TMEM67: variants seen among roughly 807,000 people sequenced by gnomAD.
TMEM67 encodes transmembrane protein 67.
TMEM67 carries 124 observed loss-of-function variants against 136.6 expected under a neutral mutation model. The observed-to-expected ratio is 0.91, with a 90% CI of 0.78 to 1.05. The LOEUF (loss-of-function observed/expected upper bound fraction) is 1.05. TMEM67 is among the 50% of genes least tolerant of loss of function. The pLI is 0.00. For missense variants in TMEM67, 1,107 were observed against 1,178.4 expected (o/e 0.94, Z 0.89); for synonymous variants, 364 against 390.5 (o/e 0.93, Z 0.80).
rs556788802 is a variant in TMEM67, at chr8:93,772,714, C to G, written c.714+63C>G. The stretch of plus-strand genomic sequence containing the variant: ...TGAAGAATTATACCATTTATTTACC[C>G]AGATAATAAAAGTTTTATTTCTAAG... On this transcript the variant is annotated intron_variant, in intron 7 of 27. Transcript: ENST00000453321. 9 of 1,294,820 alleles carry G rather than the reference C, an allele frequency of 7.0e-6. No individual in the cohort carries two copies. The Admixed American group carries it at 1.1e-4, about 16-fold the overall frequency. 80.2% of individuals were successfully genotyped at this position (1,294,820 alleles called of 1,614,324 possible).
intron 14 of TMEM67, among the ~76,000 whole-genome samples, chr8:93,790,888 T>C (rs1586059193): frequency 6.6e-6 from 1 of 152,224 alleles, no homozygotes; most frequent in South Asian, 2.1e-4. Flanking sequence ...AAGATTTTGT[T>C]CAGACCTTTG....
At chr8:93,777,450 G>A (rs576204276) in intron 7 of TMEM67, among the ~76,000 whole-genome samples, 1 of 152,216 alleles carries the variant, frequency 6.6e-6, no homozygotes, top group South Asian at 2.1e-4. Context: ...TGTTAACAGT[G>A]TCGATTTTAG....
At position 93,763,950 on chromosome 8, in the gene TMEM67, T is replaced by G. The variant is rs1297987978; in HGVS notation, c.506+9T>G. On this transcript the variant is annotated intron_variant, in intron 4 of 27. Coordinates refer to ENST00000453321, the MANE Select transcript of TMEM67 (RefSeq NM_153704.6). ...AATGCTTTAGGAGACAGGTAAGCAG[T>G]GTGATGGGGGCTAACTTCATTAATA... The G allele has an allele frequency of 6.5e-7, 1 of 1,534,390 alleles. No homozygotes were observed. The highest frequency in any genetic ancestry group is 2.2e-5 in the East Asian group (1 of 44,478).
Position 93,781,696 on chromosome 8 carries a change from A to G in TMEM67, c.1017A>G (p.Ile339Met), listed in dbSNP as rs753155193. 1.2e-6 allele frequency: 2 copies of G among 1,610,056 alleles called. No individual in the cohort carries two copies. The highest frequency in any genetic ancestry group is 1.7e-5 in the Admixed American group (1 of 59,732). Reference sequence around the variant, plus strand: ...AGTTTGTTGCTGCTTCCTATGATATAAGAGGAAATTTTCTCAAGTGGCAAA... The same window carrying G: ...AGTTTGTTGCTGCTTCCTATGATATGAGAGGAAATTTTCTCAAGTGGCAAA... ...KLKFVAASYD[I>M]RGNFLKWQTL... The change falls in exon 10 of 28, where the codon ATA (isoleucine) becomes ATG (methionine). Residue 339 changes from isoleucine to methionine, a missense_variant. Physicochemically the swap from Ile to Met is conservative, Grantham distance 10. This residue lies in a region of TMEM67 where 925 missense variants were observed against 1,002.4 expected (regional missense o/e 0.92). Transcript: ENST00000453321.
chr8:93,797,640 T>G (rs1452173914), intron 20 of TMEM67, among the ~76,000 whole-genome samples, 170 bp downstream of exon 20: 1 of 152,226 alleles, frequency 6.6e-6, no homozygotes, highest in Admixed American at 6.5e-5. Context: ...TTACCACAAT[T>G]CTTTTTTTAA....
chr8:93,809,698 C>T, intron 25 of TMEM67, 87 bp from the exon 26 acceptor site: 3 of 801,360 alleles, frequency 3.7e-6, no homozygotes, highest in Admixed American at 4.5e-5. Flanking sequence ...ATTCATTTTT[C>T]ATTTTCTCTC....
chr8:93,826,040 A>G, the TMEM67 span, among the ~76,000 whole-genome samples: 1 of 147,400 alleles, frequency 6.8e-6, no homozygotes, highest in Non-Finnish European at 1.5e-5. Context: ...TCATTTCTAT[A>G]GTTGTGCTAT....
chr8:93,791,211 G>A (rs1814359146), intron 14 of TMEM67, 52 bp from the exon 15 acceptor site: 1 of 1,217,466 alleles, frequency 8.2e-7, no homozygotes, highest in African/African-American at 1.5e-5. Context: ...ACAAAAATAA[G>A]TTTGTATCAT....
chr8:93,805,942 A>G (rs1815131651), intron 23 of TMEM67, among the ~76,000 whole-genome samples: 1 of 152,238 alleles, frequency 6.6e-6, no homozygotes, highest in Non-Finnish European at 1.5e-5. Flanking sequence ...GCCATGATGC[A>G]GTAGGAAGTA....
At chr8:93,813,147 T>C (rs1808765732) in intron 26 of TMEM67, among the ~76,000 whole-genome samples, 2 of 152,130 alleles carry the variant, frequency 1.3e-5, no homozygotes, top group South Asian at 4.1e-4. Flanking sequence ...CCTCCTATCT[T>C]CCTCTTCTTT....
intron 21 of TMEM67, among the ~76,000 whole-genome samples, chr8:93,801,313 C>T (rs1291880420): frequency 6.6e-6 from 1 of 152,114 alleles, no homozygotes; most frequent in African/African-American, 2.4e-5. Flanking sequence ...TAGTTCACTG[C>T]AGCCTCAACC....
At position 93,816,370 on chromosome 8, in the gene TMEM67, A is replaced by G. The variant is rs1808906546; in HGVS notation, c.2908-2A>G. On this transcript the variant is annotated splice_acceptor_variant, in intron 27 of 27. Coordinates refer to ENST00000453321, the MANE Select transcript of TMEM67 (RefSeq NM_153704.6). LOFTEE classifies it high-confidence loss of function. ...TCATTCTGAATTGTTTTAATTTTCCAGATTTTTAGATATATCCGTAATACA... is the reference window on the plus strand; with the variant it reads ...TCATTCTGAATTGTTTTAATTTTCCGGATTTTTAGATATATCCGTAATACA... The G allele has an allele frequency of 5.4e-6, 8 of 1,468,290 alleles. No homozygotes were observed. Among genetic ancestry groups the G allele is most frequent in the East Asian group, 2.3e-5 (1 of 43,770 alleles). 91.0% of individuals were successfully genotyped at this position (1,468,290 alleles called of 1,614,324 possible). A position where few individuals can be genotyped will look rare whatever the true frequency, so the allele number is the denominator to read the frequency against.
chr8:93,768,431 GT>G (rs1813178526), intron 6 of TMEM67, among the ~76,000 whole-genome samples: 1 of 151,862 alleles, frequency 6.6e-6, no homozygotes, highest in East Asian at 2.0e-4. Flanking sequence ...GGCCAATATG[GT>G]AAAACCTCAT....
chr8:93,787,718 C>T (rs552584915), intron 13 of TMEM67, 126 bp from the exon 14 acceptor site: 111 of 759,104 alleles, frequency 1.5e-4, no homozygotes, highest in Admixed American at 5.1e-4. Flanking sequence ...TTCCTTAGTC[C>T]TTGTTAACTA....
intron 7 of TMEM67, among the ~76,000 whole-genome samples, chr8:93,780,008 G>A (rs530691077): frequency 6.6e-6 from 1 of 152,308 alleles, no homozygotes; most frequent in Non-Finnish European, 1.5e-5. Context: ...AGCAGGCCTT[G>A]CTGAACTGCG....
chr8:93,797,329 A>C lies in TMEM67; in HGVS notation c.1961-2A>C, dbSNP rs758948621. On this transcript the variant is annotated splice_acceptor_variant, in intron 19 of 27. Coordinates refer to ENST00000453321, the MANE Select transcript of TMEM67 (RefSeq NM_153704.6). LOFTEE classifies it high-confidence loss of function. Reference sequence around the variant, plus strand: ...TTTTACTCATTTTATTTTCCTGACCAGGTGAGGGTGGTGTACGAAGTGCCA... The same window carrying C: ...TTTTACTCATTTTATTTTCCTGACCCGGTGAGGGTGGTGTACGAAGTGCCA... 1 of 1,614,134 alleles carries C rather than the reference A, an allele frequency of 6.2e-7. No individual in the cohort carries two copies. Among genetic ancestry groups the C allele is most frequent in the Non-Finnish European group, 8.5e-7 (1 of 1,180,000 alleles).
chr8:93,799,213 G>A (rs1248628643), intron 20 of TMEM67, among the ~76,000 whole-genome samples: 1 of 152,014 alleles, frequency 6.6e-6, no homozygotes, highest in East Asian at 1.9e-4. Context: ...AAGACATTTT[G>A]TAATATACTG....
intron 21 of TMEM67, among the ~76,000 whole-genome samples, chr8:93,800,551 T>C (rs1438948592): frequency 6.6e-6 from 1 of 152,196 alleles, no homozygotes; most frequent in Non-Finnish European, 1.5e-5. Flanking sequence ...TAATAATGTC[T>C]TAATCTTTAT....
intron 21 of TMEM67, 146 bp downstream of exon 21, chr8:93,799,904 C>CTTTTTTT (rs35554591): frequency 4.3e-5 from 15 of 347,878 alleles, no homozygotes; most frequent in Non-Finnish European, 5.5e-5. Flanking sequence ...ATGGTCAGTT[C>CTTTTTTT]TTTTTTTTTT....
Sources: gnomAD v4.1 joint callset for allele counts (sites outside exome capture counted in the v4.1 genomes callset) on GRCh38, gnomAD v4.1.1 for gene constraint, gnomAD v4.1.1 regional missense constraint, MANE v1.5 for transcripts, NCBI Gene and HGNC (gene_info 2026-07-23, HGNC 2026-07-21) for gene names.